The following TLE4 variants were observed in gnomAD, a reference collection of about 807,000 sequenced individuals.
The protein encoded by TLE4 is TLE family member 4, transcriptional corepressor, also known as transducin-like enhancer protein 4.
TLE4 carries 8 observed loss-of-function variants against 92.8 expected under a neutral mutation model. That is an observed-to-expected ratio of 0.09 (90% CI 0.05 to 0.16). The LOEUF is 0.16. Ranked by LOEUF, TLE4 falls within the 10% of genes least tolerant of loss-of-function variation. The probability of loss-of-function intolerance (pLI) is 1.00; values close to 1 mark genes in which losing one functional copy is unlikely to be tolerated. For synonymous variants in TLE4, 371 were observed against 374.1 expected, an observed-to-expected ratio of 0.99 and a Z score of 0.10; for missense variants, 675 against 997.6, an observed-to-expected ratio of 0.68 and a Z score of 4.36.
intron 8 of TLE4, among the ~76,000 whole-genome samples, chr9:79,685,740 T>C (rs1447067021): frequency 6.6e-6 from 1 of 152,242 alleles, no homozygotes; most frequent in Admixed American, 6.5e-5. Context: ...ACTTAACTAC[T>C]TGGCAGGATA....
In TLE4 at chr9:79,572,894, C is replaced by T. The variant is rs527542094; in HGVS notation, c.45+59C>T. The T allele has an allele frequency of 4.2e-3, 6,532 of 1,541,702 alleles. 210 individuals are homozygous for T. The Admixed American group carries it at 0.081, about 19-fold the overall frequency. ...GTGCTGGGGGATTCCCCGCGTCGCC[C>T]CCTGCGCACCGAGTTGTGTCTTTTG... is the stretch of plus-strand genomic sequence containing the variant. On this transcript the variant is annotated intron_variant, in intron 1 of 19. Coordinates refer to ENST00000376552, the MANE Select transcript of TLE4 (RefSeq NM_007005.6).
Position 79,708,581 on chromosome 9 carries a change from T to C in TLE4, c.1070-12T>C, listed in dbSNP as rs143003691. ...TGTTCTTCATTTTTCTTCCATCCAT[T>C]TTGGTTTGCAGCCTCAAGCCTAAGG... is the stretch of plus-strand genomic sequence containing the variant. On this transcript the variant is annotated splice_polypyrimidine_tract_variant and intron_variant, in intron 12 of 19. Transcript: ENST00000376552. 1 of 1,602,982 alleles carries C rather than the reference T, an allele frequency of 6.2e-7. No individual in the cohort carries two copies. Among genetic ancestry groups the C allele is most frequent in the African/African-American group, 1.3e-5 (1 of 74,608 alleles).
chr9:79,638,185 T>C (rs2056376884), intron 6 of TLE4, among the ~76,000 whole-genome samples: 1 of 152,022 alleles, frequency 6.6e-6, no homozygotes, highest in Admixed American at 6.6e-5. Context: ...GTGAAGACCA[T>C]AAAGGGGCCC....
Position 79,572,671 on chromosome 9 carries a change from C to CTT in TLE4, c.-120_-119insTT. ...CGAGACCCGGCGGGGGCCGGGACCG[C>CTT]CCGAGCCGCCCCTCAGACCGAGCCG... On this transcript the variant is annotated 5_prime_UTR_variant, in exon 1 of 20. An upstream open reading frame in the 5' UTR gains an earlier in-frame stop. Transcript: ENST00000376552. The CTT allele has an allele frequency of 2.1e-6, 2 of 948,326 alleles. No homozygotes were observed. The highest frequency in any genetic ancestry group is 3.1e-6 in the Non-Finnish European group (2 of 651,396). 58.7% of individuals were successfully genotyped at this position (948,326 alleles called of 1,614,324 possible). A position where few individuals can be genotyped will look rare whatever the true frequency, so the allele number is the denominator to read the frequency against.
intron 4 of TLE4, among the ~76,000 whole-genome samples, chr9:79,606,422 C>T (rs1221302247): frequency 3.5e-5 from 5 of 144,614 alleles, no homozygotes; most frequent in African/African-American, 1.3e-4. Flanking sequence ...TGCATGTGCA[C>T]AACGTGCAGG....
chr9:79,678,638 A>G (rs1052455832), intron 8 of TLE4, among the ~76,000 whole-genome samples: 3 of 150,624 alleles, frequency 2.0e-5, no homozygotes, highest in African/African-American at 7.3e-5. Context: ...TATTATTATT[A>G]TACTTTAAGT....
Position 79,628,191 on chromosome 9 carries a change from CTATT to C in TLE4, c.390+747_390+750del, listed in dbSNP as rs573434602. 2.5e-3 allele frequency among the ~76,000 whole-genome samples: 383 copies of C among 152,148 alleles called. 1 individual carries two copies. The highest frequency in any genetic ancestry group is 8.7e-3 in the African/African-American group (363 of 41,510). On this transcript the variant is annotated intron_variant, in intron 6 of 19. Coordinates refer to ENST00000376552, the MANE Select transcript of TLE4 (RefSeq NM_007005.6). ...TGTAAAGAGCATAATATTCACCTCT[CTATT>C]TATGCAGATTGTACAAGCAGTTCCT...
At chr9:79,715,536 T>A (rs1286468659) in intron 14 of TLE4, among the ~76,000 whole-genome samples, 1 of 152,118 alleles carries the variant, frequency 6.6e-6, no homozygotes, top group African/African-American at 2.4e-5. Context: ...ATAACAGCTG[T>A]GGTTGCCACC....
intron 8 of TLE4, among the ~76,000 whole-genome samples, chr9:79,678,617 TC>T (rs946427879): frequency 4.9e-5 from 5 of 102,088 alleles, no homozygotes; most frequent in African/African-American, 1.3e-4. Context: ...TTATTGTTTT[TC>T]TTTTTTTTTT....
chr9:79,653,252 A>G (rs2059294111), intron 7 of TLE4, among the ~76,000 whole-genome samples: 1 of 152,248 alleles, frequency 6.6e-6, no homozygotes, highest in African/African-American at 2.4e-5. Flanking sequence ...TAAGAAAACA[A>G]TTTCAGTAGT....
chr9:79,640,865 T>C (rs996203026), intron 6 of TLE4, among the ~76,000 whole-genome samples: 10 of 152,190 alleles, frequency 6.6e-5, no homozygotes, highest in African/African-American at 1.7e-4. Flanking sequence ...AAGGCCAGTT[T>C]AAGCTGGTTT....
intron 8 of TLE4, among the ~76,000 whole-genome samples, chr9:79,686,042 G>A (rs2065777044): frequency 6.6e-6 from 1 of 152,058 alleles, no homozygotes; most frequent in Admixed American, 6.5e-5. Context: ...TAATAGAGAT[G>A]ATTTAGTTAT....
chr9:79,651,317 A>T (rs1298347536), intron 6 of TLE4, among the ~76,000 whole-genome samples: 1 of 150,904 alleles, frequency 6.6e-6, no homozygotes, highest in East Asian at 2.0e-4. Flanking sequence ...TTCACCACCA[A>T]CTCCTCCTCT....
intron 4 of TLE4, among the ~76,000 whole-genome samples, chr9:79,596,126 G>T (rs1030899366): frequency 6.6e-6 from 1 of 152,130 alleles, no homozygotes; most frequent in Non-Finnish European, 1.5e-5. Context: ...GATTACAGGC[G>T]TGAGGAACCG....
At chr9:79,583,318 G>A (rs905054269) in intron 4 of TLE4, among the ~76,000 whole-genome samples, 10 of 152,204 alleles carry the variant, frequency 6.6e-5, no homozygotes, top group Non-Finnish European at 1.3e-4. Context: ...ATAAGCAGAA[G>A]AGAAGTACTC....
chr9:79,688,011 C>G (rs901717197), intron 8 of TLE4, among the ~76,000 whole-genome samples: 2 of 152,122 alleles, frequency 1.3e-5, no homozygotes, highest in African/African-American at 4.8e-5. Context: ...TAGCAAGAGG[C>G]TAGATGATTT....
chr9:79,688,362 A>G (rs2135462471), intron 8 of TLE4, among the ~76,000 whole-genome samples: 1 of 152,192 alleles, frequency 6.6e-6, no homozygotes, highest in South Asian at 2.1e-4. Context: ...TAGATTTATA[A>G]CAGTCCTCAT....
At chr9:79,610,353 C>T (rs1368552279) in intron 4 of TLE4, among the ~76,000 whole-genome samples, 3 of 151,988 alleles carry the variant, frequency 2.0e-5, no homozygotes, top group Admixed American at 1.3e-4. Context: ...AGTGTGTGTC[C>T]ACAGTGTTAT....
rs73652218 is a variant in TLE4 at position 79,598,790 on chromosome 9, G to C, written c.253-13866G>C. On this transcript the variant is annotated intron_variant, in intron 4 of 19. Transcript: ENST00000376552. ...CCAGGGCTCCTCTGTGTAGTAGCTA[G>C]GGCACTTAACACATGGCGTTTGTTA... Among the ~76,000 whole-genome samples the C allele has an allele frequency of 2.3e-3, 355 of 152,122 alleles. 2 individuals carry two copies. Among genetic ancestry groups the C allele is most frequent in the African/African-American group, 8.2e-3 (341 of 41,482 alleles).
Sources: gnomAD v4.1 joint callset for allele counts (sites outside exome capture counted in the v4.1 genomes callset) on GRCh38, gnomAD v4.1.1 for gene constraint, MANE v1.5 for transcripts, NCBI Gene and HGNC (gene_info 2026-07-23, HGNC 2026-07-21) for gene names.